MYO1D: variants seen among roughly 807,000 people sequenced by gnomAD.
MYO1D encodes myosin ID.
Under a neutral mutation model 122.0 loss-of-function variants are expected in MYO1D, and 83 were observed. The ratio of observed to expected loss-of-function variants is 0.68; its 90% CI spans 0.57 to 0.82. MYO1D has a LOEUF of 0.82. Among genes scored for constraint, MYO1D ranks in the 40% least tolerant of loss-of-function variants. MYO1D has a pLI of 0.00. For synonymous variants in MYO1D, 464 were observed against 446.9 expected, an observed-to-expected ratio of 1.04 and a Z score of -0.48; for missense variants, 1,157 against 1,269.5, an observed-to-expected ratio of 0.91 and a Z score of 1.35.
intron 21 of MYO1D, among the ~76,000 whole-genome samples, chr17:32,567,274 G>A (rs1597902161): frequency 6.6e-6 from 1 of 152,208 alleles, no homozygotes; most frequent in Admixed American, 6.5e-5. Context: ...ACACGACTCA[G>A]CAAGTGACAT....
At chr17:32,615,409 T>A (rs2087758302) in intron 20 of MYO1D, among the ~76,000 whole-genome samples, 1 of 152,148 alleles carries the variant, frequency 6.6e-6, no homozygotes, top group Non-Finnish European at 1.5e-5. Flanking sequence ...AATGTGATGA[T>A]CTAGATAAGG....
At chr17:32,825,861 G>T (rs1397437934) in intron 1 of MYO1D, among the ~76,000 whole-genome samples, 1 of 151,938 alleles carries the variant, frequency 6.6e-6, no homozygotes, top group Non-Finnish European at 1.5e-5. Flanking sequence ...AATATAGCAA[G>T]ATCTCATCTC....
intron 21 of MYO1D, among the ~76,000 whole-genome samples, chr17:32,572,073 C>T (rs1481025940): frequency 6.6e-6 from 1 of 152,156 alleles, no homozygotes; most frequent in African/African-American, 2.4e-5. Context: ...CTCTCCTCCT[C>T]ATCTGTAATT....
At chr17:32,869,976 G>A (rs1405157294) in intron 1 of MYO1D, among the ~76,000 whole-genome samples, 1 of 152,034 alleles carries the variant, frequency 6.6e-6, no homozygotes, top group Non-Finnish European at 1.5e-5. Context: ...AACCTGCAAT[G>A]AAATGAACCA....
intron 21 of MYO1D, among the ~76,000 whole-genome samples, chr17:32,543,603 A>G (rs146546069): frequency 7.8e-6 from 1 of 127,742 alleles, no homozygotes; most frequent in Admixed American, 7.8e-5. Context: ...AATAAATAAA[A>G]AATAAAAATA....
rs376998897 is a variant in MYO1D, at chr17:32,745,303, C to A, written c.1539-18G>T. On this transcript the variant is annotated intron_variant, in intron 12 of 21. Coordinates refer to ENST00000318217, the MANE Select transcript of MYO1D (RefSeq NM_015194.3). ...CAGAATAGCTAACAGGGAAAAATCA[C>A]AGAAAACATGTATCATTTACCAAGC... 6 of 1,470,014 alleles carry A rather than the reference C, an allele frequency of 4.1e-6. No individual in the cohort carries two copies. Among genetic ancestry groups the A allele is most frequent in the Non-Finnish European group, 5.6e-6 (6 of 1,065,636 alleles). 91.1% of individuals were successfully genotyped at this position (1,470,014 alleles called of 1,614,324 possible).
intron 1 of MYO1D, among the ~76,000 whole-genome samples, chr17:32,872,611 C>T (rs966115920): frequency 7.3e-5 from 11 of 151,300 alleles, no homozygotes; most frequent in Admixed American, 5.9e-4. Flanking sequence ...TAAGTTGAAG[C>T]TCCTTCTCAG....
intron 21 of MYO1D, among the ~76,000 whole-genome samples, chr17:32,568,948 C>T (rs796359256): frequency 1.3e-5 from 2 of 152,216 alleles, no homozygotes; most frequent in South Asian, 2.1e-4. Context: ...CCTCTCTAGA[C>T]TGGGAACTCC....
At chr17:32,554,514 G>A (rs1291346454) in intron 21 of MYO1D, among the ~76,000 whole-genome samples, 1 of 152,108 alleles carries the variant, frequency 6.6e-6, no homozygotes, top group Non-Finnish European at 1.5e-5. Flanking sequence ...TGAAGAATGG[G>A]AAGGATATAT....
Position 32,721,184 on chromosome 17 carries a change from T to C in MYO1D, c.1752A>G (p.Pro584=), listed in dbSNP as rs1403787406. The C allele has an allele frequency of 1.2e-6, 2 of 1,613,128 alleles. No individual in the cohort carries two copies. The highest frequency in any genetic ancestry group is 3.3e-5 in the Admixed American group (2 of 59,820). The change falls in exon 15 of 22, where the codon CCA becomes CCG. Residue 584 remains proline, a synonymous_variant. Transcript: ENST00000318217. ...TGGGTTTGATGCAACGAACGTAATA[T>C]GGTTCCTAAAGAAATAAATCAGCAA... ...ALVDNLASKE[P]YYVRCIKPND...
chr17:32,549,175 C>T (rs1363351777), intron 21 of MYO1D, among the ~76,000 whole-genome samples: 1 of 152,182 alleles, frequency 6.6e-6, no homozygotes, highest in Non-Finnish European at 1.5e-5. Flanking sequence ...TCACTGCAAT[C>T]TCTGTCTCTT....
intron 21 of MYO1D, among the ~76,000 whole-genome samples, chr17:32,512,216 C>G (rs1036218449): frequency 7.9e-5 from 12 of 151,984 alleles, no homozygotes; most frequent in Admixed American, 4.6e-4. Flanking sequence ...AGGCGAATCA[C>G]TTGAACCCAG....
intron 19 of MYO1D, among the ~76,000 whole-genome samples, chr17:32,639,497 A>G (rs1368452330): frequency 6.6e-6 from 1 of 151,686 alleles, no homozygotes; most frequent in East Asian, 1.9e-4. Context: ...ACCACAGGAT[A>G]TTTTATAAGT....
intron 14 of MYO1D, among the ~76,000 whole-genome samples, chr17:32,730,705 T>C (rs978443675): frequency 6.6e-6 from 1 of 152,196 alleles, no homozygotes; most frequent in African/African-American, 2.4e-5. Context: ...TTTAATGTTC[T>C]AGGATTTTAC....
intron 1 of MYO1D, among the ~76,000 whole-genome samples, chr17:32,803,208 G>A (rs773338117): frequency 9.1e-4 from 138 of 151,754 alleles, no homozygotes; most frequent in Non-Finnish European, 1.7e-3. Context: ...GTGCAGTGGC[G>A]TGATCTCGGC....
chr17:32,677,580 AATATATATATATATATAT>A (rs10523328), intron 16 of MYO1D, among the ~76,000 whole-genome samples: 5,373 of 135,882 alleles, frequency 0.04, 316 homozygotes, highest in African/African-American at 0.13. Context: ...TAGATAGATA[AATATATATATATATATAT>A]ATATATATAT....
intron 2 of MYO1D, 141 bp downstream of exon 2, chr17:32,780,434 CG>C (rs2090223080): frequency 5.4e-6 from 4 of 738,564 alleles, no homozygotes; most frequent in Non-Finnish European, 8.9e-6. Context: ...TGGTATTTAA[CG>C]TTCATCACTT....
In MYO1D at chr17:32,864,007, C is replaced by CTTTTTTTTTTTTTTTTT. The variant is rs560953120; in HGVS notation, c.95+12754_95+12770dup. Among the ~76,000 whole-genome samples, 17 of 48,978 alleles carry CTTTTTTTTTTTTTTTTT rather than the reference C, an allele frequency of 3.5e-4. 7 individuals carry two copies. The highest frequency in any genetic ancestry group is 1.3e-3 in the East Asian group (1 of 752). 32.1% of individuals were successfully genotyped at this position (48,978 alleles called of 152,430 possible). A position where few individuals can be genotyped will look rare whatever the true frequency, so the allele number is the denominator to read the frequency against. On this transcript the variant is annotated intron_variant, in intron 1 of 21. Coordinates refer to ENST00000318217, the MANE Select transcript of MYO1D (RefSeq NM_015194.3). ...TAATTTTGGTTACAAACATTTCTTC[C>CTTTTTTTTTTTTTTTTT]TTTTTTTTTTTTTTTTTTTTTTTTT...
chr17:32,688,920 A>AGTGTGT (rs3079901), intron 16 of MYO1D, among the ~76,000 whole-genome samples: 2,289 of 146,540 alleles, frequency 0.016, 44 homozygotes, highest in African/African-American at 0.051. Context: ...TGATTTTTGA[A>AGTGTGT]GTGTGTGTGT....
Sources: gnomAD v4.1 joint callset for allele counts (sites outside exome capture counted in the v4.1 genomes callset) on GRCh38, gnomAD v4.1.1 for gene constraint, MANE v1.5 for transcripts, NCBI Gene and HGNC (gene_info 2026-07-23, HGNC 2026-07-21) for gene names.